TENM4: variants seen among roughly 807,000 people sequenced by gnomAD.
The protein encoded by TENM4 is teneurin-4.
TENM4 carries 82 observed loss-of-function variants against 243.3 expected under a neutral mutation model. That is an observed-to-expected ratio of 0.34 (90% CI 0.28 to 0.40). TENM4 has a LOEUF of 0.40. TENM4 is among the 10% of genes least tolerant of loss of function. TENM4 has a pLI of 1.00. For synonymous variants in TENM4, 1,412 were observed against 1,456.3 expected, an observed-to-expected ratio of 0.97 and a Z score of 0.69; for missense variants, 3,138 against 3,673.3, an observed-to-expected ratio of 0.85 and a Z score of 3.77.
intron 6 of TENM4, among the ~76,000 whole-genome samples, chr11:78,961,600 G>C (rs1857322919): frequency 6.6e-6 from 1 of 152,188 alleles, no homozygotes; most frequent in African/African-American, 2.4e-5. Flanking sequence ...CTGTCTCCAG[G>C]CTCTGTGAAA....
At chr11:79,232,144 A>C (rs911427044) in intron 2 of TENM4, among the ~76,000 whole-genome samples, 16 of 152,148 alleles carry the variant, frequency 1.1e-4, no homozygotes, top group Middle Eastern at 3.4e-3. Flanking sequence ...AAACCCCACT[A>C]CTCCAAGAGG....
At chr11:79,192,111 G>A (rs1391742731) in intron 3 of TENM4, among the ~76,000 whole-genome samples, 11 of 148,772 alleles carry the variant, frequency 7.4e-5, no homozygotes, top group South Asian at 4.3e-4. Flanking sequence ...TCAGCCCCCC[G>A]CCCGGCCAGC....
intron 3 of TENM4, among the ~76,000 whole-genome samples, chr11:79,154,627 A>G (rs1862568089): frequency 6.6e-6 from 1 of 152,096 alleles, no homozygotes; most frequent in Non-Finnish European, 1.5e-5. Flanking sequence ...AATTATGCTC[A>G]AGGAGTAAGT....
rs185654093 is a variant in TENM4, at chr11:79,178,465, C to T, written c.-162-29659G>A. Among the ~76,000 whole-genome samples, 62 of 152,176 alleles carry T rather than the reference C, an allele frequency of 4.1e-4. 2 individuals are homozygous for T. The highest frequency in any genetic ancestry group is 3.9e-3 in the Admixed American group (59 of 15,292). ...TCAGAGGATTCATGAGGAGGAAGAACCAGTGAAAGAGGTGGAAGAAGTAGT... is the reference window on the plus strand; with the variant it reads ...TCAGAGGATTCATGAGGAGGAAGAATCAGTGAAAGAGGTGGAAGAAGTAGT... On this transcript the variant is annotated intron_variant, in intron 3 of 33. Transcript: ENST00000278550.
At chr11:79,003,253 C>T (rs1858381478) in intron 6 of TENM4, among the ~76,000 whole-genome samples, 1 of 152,018 alleles carries the variant, frequency 6.6e-6, no homozygotes, top group African/African-American at 2.4e-5. Context: ...GGAAAATTTC[C>T]CCAACCTTGC....
chr11:78,808,366 A>G (rs775589307), intron 14 of TENM4, among the ~76,000 whole-genome samples: 1 of 152,214 alleles, frequency 6.6e-6, no homozygotes, highest in African/African-American at 2.4e-5. Context: ...ATAACAATCA[A>G]CATTAACTTA....
At chr11:78,716,940 C>T (rs371574796) in intron 25 of TENM4, among the ~76,000 whole-genome samples, 12 of 152,292 alleles carry the variant, frequency 7.9e-5, no homozygotes, top group African/African-American at 2.2e-4. Context: ...AGACGGAAGA[C>T]GGCCTTCAGT....
chr11:78,906,715 T>C (rs1382625774), intron 6 of TENM4, among the ~76,000 whole-genome samples: 1 of 152,192 alleles, frequency 6.6e-6, no homozygotes, highest in Non-Finnish European at 1.5e-5. Context: ...TCCTCTTGAA[T>C]GCTGACAGCA....
At chr11:78,870,345 C>T (rs1222573079) in intron 9 of TENM4, among the ~76,000 whole-genome samples, 6 of 152,136 alleles carry the variant, frequency 3.9e-5, no homozygotes, top group Non-Finnish European at 1.5e-5. Flanking sequence ...AGTTCCCTTC[C>T]ATGCCAGTTG....
intron 1 of TENM4, among the ~76,000 whole-genome samples, chr11:79,427,842 A>G (rs1245831941): frequency 6.6e-6 from 1 of 152,252 alleles, no homozygotes. Flanking sequence ...CCTGGAGAGT[A>G]TAACATAATA....
chr11:78,772,921 T>C lies in TENM4; in HGVS notation c.2393-1783A>G, dbSNP rs147889834. Among the ~76,000 whole-genome samples, 730 of 152,294 alleles carry C rather than the reference T, an allele frequency of 4.8e-3. 6 individuals carry two copies. Among genetic ancestry groups the C allele is most frequent in the African/African-American group, 0.017 (692 of 41,560 alleles). On this transcript the variant is annotated intron_variant, in intron 17 of 33. Coordinates refer to ENST00000278550, the MANE Select transcript of TENM4 (RefSeq NM_001098816.3). ...TGGGAAAGATGAGAGGCTACCAGCA[T>C]GGCCACCCCAAAAAGTGATTGAGAA...
chr11:78,768,706 G>A (rs1219913327), intron 18 of TENM4, among the ~76,000 whole-genome samples: 3 of 152,168 alleles, frequency 2.0e-5, no homozygotes, highest in Non-Finnish European at 4.4e-5. Flanking sequence ...GGGATTTTCT[G>A]GTTGATCTTT....
At chr11:79,011,808 G>A (rs538695741) in intron 6 of TENM4, among the ~76,000 whole-genome samples, 1 of 152,350 alleles carries the variant, frequency 6.6e-6, no homozygotes, top group South Asian at 2.1e-4. Context: ...ATAAAGAAGA[G>A]TGTGAAATTT....
intron 6 of TENM4, among the ~76,000 whole-genome samples, chr11:78,937,342 T>C (rs1008590466): frequency 8.5e-5 from 13 of 152,324 alleles, no homozygotes; most frequent in African/African-American, 2.9e-4. Context: ...GGTGCTTTTC[T>C]GAACACAAGT....
At chr11:79,310,130 C>T (rs1856694936) in intron 1 of TENM4, among the ~76,000 whole-genome samples, 1 of 152,196 alleles carries the variant, frequency 6.6e-6, no homozygotes, top group Non-Finnish European at 1.5e-5. Flanking sequence ...ACCCAGGGCC[C>T]AGCACAGGCC....
At chr11:78,677,249 C>CTT (rs67423363) in intron 29 of TENM4, among the ~76,000 whole-genome samples, 215 of 137,068 alleles carry the variant, frequency 1.6e-3, no homozygotes, top group Non-Finnish European at 2.1e-3. Flanking sequence ...AAGGGTTGAA[C>CTT]TTTTTTTTTT....
chr11:78,735,419 T>C (rs1426438588), intron 20 of TENM4, among the ~76,000 whole-genome samples: 1 of 152,254 alleles, frequency 6.6e-6, no homozygotes, highest in Non-Finnish European at 1.5e-5. Context: ...AACAGAATTT[T>C]AGCCAGACTT....
At chr11:78,768,347 A>G (rs1319401845) in intron 18 of TENM4, among the ~76,000 whole-genome samples, 1 of 152,188 alleles carries the variant, frequency 6.6e-6, no homozygotes, top group Non-Finnish European at 1.5e-5. Flanking sequence ...GACCCACGGG[A>G]TGTCTTCCCG....
chr11:78,709,988 A>G (rs2135796478), intron 26 of TENM4, among the ~76,000 whole-genome samples: 1 of 152,352 alleles, frequency 6.6e-6, no homozygotes, highest in South Asian at 2.1e-4. Flanking sequence ...GGAAAGGCAC[A>G]GGAATGAATC....
Sources: allele counts gnomAD v4.1 joint callset (sites outside exome capture counted in the v4.1 genomes callset), GRCh38; gene constraint gnomAD v4.1.1; transcripts MANE v1.5; gene names NCBI Gene and HGNC (gene_info 2026-07-23, HGNC 2026-07-21).